EP400: variants seen among roughly 807,000 people sequenced by gnomAD.
The protein encoded by EP400 is E1A binding protein p400, also known as E1A-binding protein p400.
Under a neutral mutation model 354.1 loss-of-function variants are expected in EP400, and 105 were observed. That is an observed-to-expected ratio of 0.30 (90% CI 0.25 to 0.35). The LOEUF (loss-of-function observed/expected upper bound fraction) is 0.35, where lower values mean the gene tolerates loss of function less well. Among genes scored for constraint, EP400 ranks in the 10% least tolerant of loss-of-function variants. The pLI, the probability that EP400 is intolerant of heterozygous loss-of-function variation, is 1.00. For synonymous variants in EP400, 1,646 were observed against 1,716.9 expected, an observed-to-expected ratio of 0.96 and a Z score of 1.02; for missense variants, 3,280 against 4,121.0, an observed-to-expected ratio of 0.80 and a Z score of 5.59.
intron 35 of EP400, 27 bp downstream of exon 35, chr12:132,044,338 T>C (rs1475170136): frequency 6.2e-7 from 1 of 1,602,540 alleles, no homozygotes; most frequent in Admixed American, 1.7e-5. Context: ...CCTCCTGCCC[T>C]CTTGCCCCCC....
chr12:132,021,838 T>TA (rs1314439323), intron 23 of EP400, among the ~76,000 whole-genome samples: 1 of 152,238 alleles, frequency 6.6e-6, no homozygotes, highest in Non-Finnish European at 1.5e-5. Context: ...ATTTATGACT[T>TA]AAAAAACACA....
At chr12:132,026,548 A>G (rs1275986095) in intron 25 of EP400, among the ~76,000 whole-genome samples, 3 of 152,192 alleles carry the variant, frequency 2.0e-5, no homozygotes, top group Non-Finnish European at 4.4e-5. Context: ...GCAGTCCTGC[A>G]TGCCAGCATG....
At chr12:132,032,245 G>A (rs776578422) in intron 30 of EP400, 96 bp downstream of exon 30, 39 of 1,390,260 alleles carry the variant, frequency 2.8e-5, no homozygotes, top group Non-Finnish European at 3.7e-5. Flanking sequence ...TGGAGTCAAT[G>A]AGAAGCTTTG....
At chr12:132,037,030 T>G (rs1894742097) in intron 30 of EP400, among the ~76,000 whole-genome samples, 2 of 152,182 alleles carry the variant, frequency 1.3e-5, no homozygotes, top group East Asian at 3.8e-4. Flanking sequence ...AATGTGAGCT[T>G]TTTTGAGGTT....
intron 1 of EP400, among the ~76,000 whole-genome samples, chr12:131,957,292 A>G (rs1891734509): frequency 6.6e-6 from 1 of 152,084 alleles, no homozygotes; most frequent in South Asian, 2.1e-4. Flanking sequence ...TATTCTTTCC[A>G]AGATAATTTG....
At chr12:132,051,088 G>A (rs1243982878) in intron 41 of EP400, 1 of 221,236 alleles carries the variant, frequency 4.5e-6, no homozygotes, top group Non-Finnish European at 9.1e-6. Context: ...GATGGGTACA[G>A]AAGTGGGTAG....
At chr12:132,002,762 G>T (rs1893459596) in intron 12 of EP400, among the ~76,000 whole-genome samples, 2 of 152,230 alleles carry the variant, frequency 1.3e-5, no homozygotes, top group Non-Finnish European at 2.9e-5. Flanking sequence ...CACCGGTCAG[G>T]CCAGGTCAGT....
chr12:131,971,571 A>G (rs1158474238), intron 2 of EP400, among the ~76,000 whole-genome samples: 1 of 152,168 alleles, frequency 6.6e-6, no homozygotes, highest in Non-Finnish European at 1.5e-5. Flanking sequence ...GATTTCCATA[A>G]TGGCTGTAAT....
At chr12:132,053,720 G>A in intron 43 of EP400, 123 bp downstream of exon 43, 1 of 1,125,658 alleles carries the variant, frequency 8.9e-7, no homozygotes, top group African/African-American at 1.6e-5. Context: ...CCAGCTTGTA[G>A]ACCTTCCTCT....
At chr12:132,015,915 C>T (rs1441516387) in intron 19 of EP400, among the ~76,000 whole-genome samples, 1 of 152,148 alleles carries the variant, frequency 6.6e-6, no homozygotes, top group African/African-American at 2.4e-5. Context: ...GCCACACCCG[C>T]TGCCGTGAGG....
chr12:131,952,729 G>A (rs1891555216), intron 1 of EP400, among the ~76,000 whole-genome samples: 1 of 152,172 alleles, frequency 6.6e-6, no homozygotes, highest in Non-Finnish European at 1.5e-5. Context: ...TGGAATTACA[G>A]GTTTGAGACA....
At chr12:132,019,015 T>C (rs1390125710) in intron 21 of EP400, among the ~76,000 whole-genome samples, 1 of 152,138 alleles carries the variant, frequency 6.6e-6, no homozygotes, top group Non-Finnish European at 1.5e-5. Flanking sequence ...TGTTGGCACT[T>C]CTGTATTTGG....
intron 16 of EP400, among the ~76,000 whole-genome samples, chr12:132,012,283 G>C (rs559571225): frequency 7.2e-5 from 11 of 152,280 alleles, no homozygotes; most frequent in Non-Finnish European, 8.8e-5. Context: ...TGGGTAATTT[G>C]TAAGTATAGA....
At position 132,027,338 on chromosome 12, in the gene EP400, T is replaced by A; in HGVS notation, c.5015-99T>A. On this transcript the variant is annotated intron_variant, in intron 25 of 52. Transcript: ENST00000389561. The surrounding 1 kb of genome is among the most constrained non-coding windows in gnomAD (Gnocchi z 4.9). The stretch of plus-strand genomic sequence containing the variant: ...CGTTGCAGAATGACTTTCTGTGGAG[T>A]GTGCTGGTGGAGGGTGAGGTTCCAT... The A allele has an allele frequency of 8.6e-7, 1 of 1,157,766 alleles. No individual in the cohort carries two copies. The highest frequency in any genetic ancestry group is 1.3e-6 in the Non-Finnish European group (1 of 777,174). 71.7% of individuals were successfully genotyped at this position (1,157,766 alleles called of 1,614,324 possible).
intron 34 of EP400, 146 bp from the exon 35 acceptor site, chr12:132,044,031 T>C: frequency 8.4e-7 from 1 of 1,188,714 alleles, no homozygotes; most frequent in South Asian, 1.5e-5. Flanking sequence ...TGCAGCAGGC[T>C]GCTGCTTGTG....
At chr12:131,977,206 G>A (rs1034781522) in intron 2 of EP400, among the ~76,000 whole-genome samples, 3 of 151,964 alleles carry the variant, frequency 2.0e-5, no homozygotes, top group African/African-American at 7.3e-5. Context: ...GTGCAGTCTC[G>A]GCTCACTGCA....
chr12:132,060,640 G>T (rs1224019811), intron 45 of EP400, among the ~76,000 whole-genome samples: 1 of 152,172 alleles, frequency 6.6e-6, no homozygotes, highest in Non-Finnish European at 1.5e-5. Flanking sequence ...AAGGGAGGCC[G>T]GGTGTGGTGG....
At chr12:132,020,316 C>T in intron 22 of EP400, 98 bp downstream of exon 22, 2 of 1,401,016 alleles carry the variant, frequency 1.4e-6, no homozygotes, top group Non-Finnish European at 1.9e-6. Flanking sequence ...CGGTAATTGT[C>T]CCTGAGTGGG....
intron 45 of EP400, among the ~76,000 whole-genome samples, chr12:132,055,545 TTG>T (rs1212056086): frequency 7.3e-5 from 5 of 68,054 alleles, no homozygotes; most frequent in South Asian, 5.3e-4. Context: ...GGTGTAGGGG[TTG>T]TGTGTGTGAG....
Sources: allele counts gnomAD v4.1 joint callset (sites outside exome capture counted in the v4.1 genomes callset), GRCh38; gene constraint gnomAD v4.1.1; non-coding constraint Gnocchi (gnomAD v3.1); transcripts MANE v1.5; gene names NCBI Gene and HGNC (gene_info 2026-07-23, HGNC 2026-07-21).